FA2H: variants seen among roughly 807,000 people sequenced by gnomAD.
The protein encoded by FA2H is fatty acid 2-hydroxylase, also known as fatty acid alpha-hydroxylase.
A neutral mutation model predicts 44.9 loss-of-function variants in FA2H; 22 were observed. The ratio of observed to expected loss-of-function variants is 0.49; its 90% confidence interval spans 0.35 to 0.70. The LOEUF (loss-of-function observed/expected upper bound fraction) is 0.70. Among genes scored for constraint, FA2H ranks in the 30% least tolerant of loss-of-function variants. The pLI, the probability that FA2H is intolerant of heterozygous loss-of-function variation, is 0.01. For synonymous variants in FA2H, 243 were observed against 213.2 expected, an observed-to-expected ratio of 1.14 and a Z score of -1.22; for missense variants, 501 against 504.9, an observed-to-expected ratio of 0.99 and a Z score of 0.07.
At chr16:74,730,166 G>C (rs924791000) in intron 2 of FA2H, among the ~76,000 whole-genome samples, 21 of 152,132 alleles carry the variant, frequency 1.4e-4, no homozygotes, top group Admixed American at 5.2e-4. Flanking sequence ...TGGGAGCAGG[G>C]GGGTGGGGGT....
At chr16:74,720,606 T>A (rs1364471346) in intron 4 of FA2H, among the ~76,000 whole-genome samples, 1 of 152,152 alleles carries the variant, frequency 6.6e-6, no homozygotes, top group Non-Finnish European at 1.5e-5. Context: ...ATATAATTCA[T>A]CCAAATAAAA....
intron 4 of FA2H, 52 bp from the exon 5 acceptor site, chr16:74,719,212 A>G: frequency 6.5e-7 from 1 of 1,538,428 alleles, no homozygotes; most frequent in East Asian, 2.3e-5. Flanking sequence ...GCAGCCTGGT[A>G]GCTCCAGGTG....
At position 74,716,540 on chromosome 16, in the gene FA2H, G is replaced by A. The variant is rs370973830; in HGVS notation, c.846C>T (p.Gly282=). 18 of 1,609,186 alleles carry A rather than the reference G, an allele frequency of 1.1e-5. No homozygotes were observed. Among genetic ancestry groups the A allele is most frequent in the South Asian group, 1.1e-4 (10 of 90,504 alleles). The change falls in exon 6 of 7, where the codon GGC becomes GGT. Residue 282 remains glycine, a synonymous_variant. Transcript: ENST00000219368. ...TGAGCTGCATGCACAAGTAGAAGAC[G>A]CCGATCACCAGGGAGGCTGGCACAG... ...FPPVPASLVI[G]VFYLCMQLIL...
intron 1 of FA2H, among the ~76,000 whole-genome samples, chr16:74,745,056 G>A (rs887345429): frequency 6.6e-6 from 1 of 152,188 alleles, no homozygotes; most frequent in Admixed American, 6.5e-5. Flanking sequence ...CTTGTACCCT[G>A]AGGCGAACGA....
intron 2 of FA2H, among the ~76,000 whole-genome samples, chr16:74,734,914 G>T (rs1076251): frequency 0.25 from 38,218 of 152,184 alleles, 5,006 homozygotes; most frequent in East Asian, 0.43. Flanking sequence ...CAGGCATATT[G>T]CCCCAGGGCA....
intron 1 of FA2H, among the ~76,000 whole-genome samples, chr16:74,771,788 C>G (rs547138470): frequency 2.0e-5 from 3 of 152,202 alleles, no homozygotes; most frequent in South Asian, 2.1e-4. Flanking sequence ...CCCCCTTCCC[C>G]CCATGGTCAC....
intron 4 of FA2H, among the ~76,000 whole-genome samples, chr16:74,724,024 T>C (rs1224723902): frequency 6.6e-6 from 1 of 152,002 alleles, no homozygotes; most frequent in East Asian, 1.9e-4. Context: ...GCCTCAGCCT[T>C]CCAAGTAGCT....
At chr16:74,737,192 A>G (rs938420901) in intron 2 of FA2H, among the ~76,000 whole-genome samples, 2 of 152,108 alleles carry the variant, frequency 1.3e-5, no homozygotes, top group Non-Finnish European at 2.9e-5. Flanking sequence ...GAGGGCTCCG[A>G]AAAGGACATG....
At position 74,716,335 on chromosome 16, in the gene FA2H, G is replaced by A; in HGVS notation, c.1039+12C>T. The A allele has an allele frequency of 1.2e-6, 2 of 1,613,404 alleles. No homozygotes were observed. Among genetic ancestry groups the A allele is most frequent in the Non-Finnish European group, 8.5e-7 (1 of 1,179,586 alleles). Reference sequence around the variant, plus strand: ...ACACATAGGGGGCTGGGAAGCACAGGCCCATCCTCACCTGACTTCTGATGT... The same window carrying A: ...ACACATAGGGGGCTGGGAAGCACAGACCCATCCTCACCTGACTTCTGATGT... On this transcript the variant is annotated intron_variant, in intron 6 of 6. Coordinates refer to ENST00000219368, the MANE Select transcript of FA2H (RefSeq NM_024306.5).
chr16:74,766,893 T>G (rs1962818765), intron 1 of FA2H, among the ~76,000 whole-genome samples: 1 of 152,126 alleles, frequency 6.6e-6, no homozygotes, highest in South Asian at 2.1e-4. Flanking sequence ...GGGATAGAGA[T>G]TAGAACAGTG....
At chr16:74,767,909 T>C (rs1175736156) in intron 1 of FA2H, among the ~76,000 whole-genome samples, 3 of 152,170 alleles carry the variant, frequency 2.0e-5, no homozygotes, top group Admixed American at 6.5e-5. Flanking sequence ...GGGTGATCAA[T>C]GGTGTCACCA....
chr16:74,761,515 G>T (rs954837478), intron 1 of FA2H, among the ~76,000 whole-genome samples: 4 of 152,004 alleles, frequency 2.6e-5, no homozygotes, highest in African/African-American at 9.7e-5. Flanking sequence ...ATACACTTAA[G>T]GTGTGTTACT....
intron 1 of FA2H, among the ~76,000 whole-genome samples, chr16:74,750,496 C>T (rs770899065): frequency 4.6e-5 from 7 of 152,214 alleles, no homozygotes; most frequent in African/African-American, 7.2e-5. Context: ...GATTATACTA[C>T]GAAAAACAAT....
intron 1 of FA2H, among the ~76,000 whole-genome samples, chr16:74,758,117 C>CTTTTT (rs71378706): frequency 2.6e-5 from 3 of 113,574 alleles, no homozygotes; most frequent in Admixed American, 9.4e-5. Flanking sequence ...GGAAACAATT[C>CTTTTT]TTTTTTTTTT....
chr16:74,744,206 C>T (rs188415528), intron 1 of FA2H, among the ~76,000 whole-genome samples: 9 of 152,122 alleles, frequency 5.9e-5, no homozygotes, highest in African/African-American at 1.4e-4. Flanking sequence ...ATTCCACAGG[C>T]GAACACCATC....
At chr16:74,730,972 T>C (rs983436504) in intron 2 of FA2H, among the ~76,000 whole-genome samples, 1 of 152,142 alleles carries the variant, frequency 6.6e-6, no homozygotes, top group African/African-American at 2.4e-5. Context: ...AAATACTCCT[T>C]CTCCCGAAGT....
chr16:74,772,604 C>T (rs1962930603), intron 1 of FA2H, among the ~76,000 whole-genome samples: 1 of 152,146 alleles, frequency 6.6e-6, no homozygotes. Flanking sequence ...ACAGTGGGTG[C>T]TAAGTCCTTT....
At chr16:74,767,510 G>T (rs1247040462) in intron 1 of FA2H, among the ~76,000 whole-genome samples, 10 of 152,268 alleles carry the variant, frequency 6.6e-5, no homozygotes, top group African/African-American at 2.4e-4. Flanking sequence ...AGATTATCCT[G>T]GATCATCTAG....
At chr16:74,744,506 C>T (rs1377689581) in intron 1 of FA2H, among the ~76,000 whole-genome samples, 2 of 143,646 alleles carry the variant, frequency 1.4e-5, no homozygotes, top group African/African-American at 5.3e-5. Context: ...GGCTGGAGGG[C>T]AGTGGCATGA....
Sources: allele counts gnomAD v4.1 joint callset (sites outside exome capture counted in the v4.1 genomes callset), GRCh38; gene constraint gnomAD v4.1.1; transcripts MANE v1.5; gene names NCBI Gene and HGNC (gene_info 2026-07-23, HGNC 2026-07-21).